The following PCDH9 variants were observed in gnomAD, a reference collection of about 807,000 sequenced individuals.
The protein encoded by PCDH9 is protocadherin-9.
A neutral mutation model predicts 70.6 loss-of-function variants in PCDH9; 24 were observed. The ratio of observed to expected loss-of-function variants is 0.34; its 90% CI spans 0.25 to 0.48. The LOEUF (loss-of-function observed/expected upper bound fraction) is 0.48. Ranked by LOEUF, PCDH9 falls within the 20% of genes least tolerant of loss-of-function variation. The pLI, the probability that PCDH9 is intolerant of heterozygous loss-of-function variation, is 0.99. For missense variants in PCDH9, 1,281 were observed against 1,503.6 expected, an observed-to-expected ratio of 0.85 and a Z score of 2.45; for synonymous variants, 562 against 558.5, an observed-to-expected ratio of 1.01 and a Z score of -0.09.
chr13:67,108,646 T>C (rs1423254430), intron 2 of PCDH9, among the ~76,000 whole-genome samples: 1 of 152,204 alleles, frequency 6.6e-6, no homozygotes, highest in African/African-American at 2.4e-5. Flanking sequence ...TCCACAAGAA[T>C]ATAGCAGACT....
intron 3 of PCDH9, among the ~76,000 whole-genome samples, chr13:66,864,711 T>C (rs547027920): frequency 3.6e-4 from 55 of 152,350 alleles, no homozygotes; most frequent in African/African-American, 1.2e-3. Context: ...GCTCATTTAG[T>C]GTTTTGCAGG....
intron 3 of PCDH9, among the ~76,000 whole-genome samples, chr13:66,853,382 T>A (rs1381000339): frequency 3.3e-5 from 5 of 152,134 alleles, no homozygotes; most frequent in African/African-American, 1.2e-4. Flanking sequence ...TTTCACACTC[T>A]CCTGCCCCAA....
chr13:66,429,575 C>T (rs371118827), intron 4 of PCDH9, among the ~76,000 whole-genome samples: 16 of 151,550 alleles, frequency 1.1e-4, no homozygotes, highest in East Asian at 3.9e-4. Flanking sequence ...AGAGTACAAA[C>T]GGAAGAGCTC....
chr13:66,748,191 T>G (rs1397764558), intron 3 of PCDH9, among the ~76,000 whole-genome samples: 1 of 152,226 alleles, frequency 6.6e-6, no homozygotes, highest in Admixed American at 6.5e-5. Flanking sequence ...GGAAGTGATT[T>G]AAACTACTGT....
At chr13:66,740,328 C>T (rs200993751) in intron 3 of PCDH9, among the ~76,000 whole-genome samples, 11 of 93,978 alleles carry the variant, frequency 1.2e-4, no homozygotes, top group Admixed American at 4.9e-4. Context: ...ATCTCTGGGA[C>T]GCATTCAAAG....
chr13:67,013,595 T>C (rs2084496744), intron 2 of PCDH9, among the ~76,000 whole-genome samples: 1 of 151,968 alleles, frequency 6.6e-6, no homozygotes, highest in East Asian at 1.9e-4. Context: ...AATATATCAT[T>C]GAAACTCATG....
At chr13:66,358,608 T>A (rs558245475) in intron 4 of PCDH9, among the ~76,000 whole-genome samples, 2 of 152,116 alleles carry the variant, frequency 1.3e-5, no homozygotes, top group East Asian at 3.9e-4. Context: ...GAACCTACTT[T>A]TATAAACTAT....
At chr13:67,001,200 T>G (rs1239898241) in intron 2 of PCDH9, among the ~76,000 whole-genome samples, 2 of 152,176 alleles carry the variant, frequency 1.3e-5, no homozygotes, top group Admixed American at 6.5e-5. Context: ...TAAATAAAAG[T>G]GGAGATTTGA....
intron 2 of PCDH9, among the ~76,000 whole-genome samples, chr13:67,164,386 C>A (rs1351415459): frequency 6.6e-6 from 1 of 151,780 alleles, no homozygotes; most frequent in Admixed American, 6.6e-5. Flanking sequence ...ACCAGCCTGG[C>A]CAAGATAATG....
intron 2 of PCDH9, among the ~76,000 whole-genome samples, chr13:67,127,591 A>G (rs1466652395): frequency 5.9e-5 from 9 of 151,600 alleles, no homozygotes; most frequent in Non-Finnish European, 8.8e-5. Context: ...GGGGAAGGGC[A>G]TTTTAGGGCA....
intron 4 of PCDH9, among the ~76,000 whole-genome samples, chr13:66,600,997 C>T (rs1319026488): frequency 6.9e-6 from 1 of 144,788 alleles, no homozygotes; most frequent in Admixed American, 7.0e-5. Flanking sequence ...CATTGGTTTT[C>T]ATAAATAAAT....
At chr13:66,444,332 A>T (rs146939888) in intron 4 of PCDH9, among the ~76,000 whole-genome samples, 3 of 152,172 alleles carry the variant, frequency 2.0e-5, no homozygotes, top group African/African-American at 7.2e-5. Context: ...GACTGATTTC[A>T]TCAGTTGTAA....
chr13:66,547,232 T>G (rs920498349), intron 4 of PCDH9, among the ~76,000 whole-genome samples: 8 of 152,218 alleles, frequency 5.3e-5, no homozygotes. Context: ...AAAGCTTACA[T>G]ACTTTGTATG....
intron 2 of PCDH9, chr13:67,221,240 A>AT (rs1593644563): frequency 6.6e-6 from 1 of 152,054 alleles, no homozygotes; most frequent in Middle Eastern, 3.4e-3. Flanking sequence ...TTTCAATTGC[A>AT]TTTTTTCCCT....
chr13:66,454,163 A>G (rs577531389), intron 4 of PCDH9, among the ~76,000 whole-genome samples: 1 of 151,386 alleles, frequency 6.6e-6, no homozygotes, highest in Admixed American at 6.6e-5. Context: ...CTTTTTTTTT[A>G]AAAAAAGCAT....
intron 2 of PCDH9, among the ~76,000 whole-genome samples, chr13:67,004,547 C>T (rs1430947242): frequency 2.8e-4 from 23 of 82,104 alleles, no homozygotes; most frequent in Admixed American, 1.4e-3. Context: ...ACAGAGACTC[C>T]GTCTCAAAAA....
chr13:66,558,443 T>C (rs140695460), intron 4 of PCDH9, among the ~76,000 whole-genome samples: 1 of 152,154 alleles, frequency 6.6e-6, no homozygotes, highest in East Asian at 1.9e-4. Context: ...TGTCTATATT[T>C]TTCTGAAGTC....
intron 2 of PCDH9, 101 bp downstream of exon 2, chr13:67,225,304 A>G: frequency 2.2e-6 from 3 of 1,351,960 alleles, no homozygotes; most frequent in Non-Finnish European, 3.1e-6. Context: ...TTTCTAACTA[A>G]GCTAAAGTTA....
At chr13:66,421,396 T>C (rs1465629217) in intron 4 of PCDH9, among the ~76,000 whole-genome samples, 1 of 152,014 alleles carries the variant, frequency 6.6e-6, no homozygotes, top group African/African-American at 2.4e-5. Flanking sequence ...AAGGTTGATA[T>C]GAAGGAAAAA....
Sources: gnomAD v4.1 joint callset for allele counts (sites outside exome capture counted in the v4.1 genomes callset) on GRCh38, gnomAD v4.1.1 for gene constraint, MANE v1.5 for transcripts, NCBI Gene and HGNC (gene_info 2026-07-23, HGNC 2026-07-21) for gene names.